The following CP variants were observed in gnomAD, a reference collection of about 807,000 sequenced individuals.
The protein encoded by CP is ceruloplasmin.
In CP, 64 loss-of-function variants were observed where a neutral mutation model predicts 122.4. The observed-to-expected ratio is 0.52, with a 90% CI of 0.43 to 0.64. CP has a LOEUF of 0.64. Among genes scored for constraint, CP ranks in the 30% least tolerant of loss-of-function variants. The pLI, the probability that CP is intolerant of heterozygous loss-of-function variation, is 0.00. For missense variants in CP, 1,167 were observed against 1,284.4 expected (o/e 0.91, Z 1.40); for synonymous variants, 440 against 436.4 (o/e 1.01, Z -0.10).
intron 6 of CP, among the ~76,000 whole-genome samples, chr3:149,202,605 CTTTTTTTT>C (rs34873592): frequency 9.4e-6 from 1 of 106,812 alleles, no homozygotes; most frequent in Non-Finnish European, 1.9e-5. Context: ...TGTTGTTTGT[CTTTTTTTT>C]TTTTTTTTTT....
rs1374351071 is a variant in CP at position 149,163,599 on chromosome 3, A to G, written c.*14-724T>C. On this transcript the variant is annotated intron_variant, in intron 5 of 5. Transcript: ENST00000479771. ...TAAATGCAGTATTGCTCTTTTTGCT[A>G]GAAAGTGCCTCTTTGGAGTATTTAC... Among the ~76,000 whole-genome samples, 4 of 152,350 alleles carry G rather than the reference A, an allele frequency of 2.6e-5. No homozygotes were observed. The East Asian group carries it at 5.8e-4, about 22-fold the overall frequency.
At chr3:149,189,670 A>G (rs1466230291) in intron 9 of CP, among the ~76,000 whole-genome samples, 2 of 152,180 alleles carry the variant, frequency 1.3e-5, no homozygotes, top group African/African-American at 4.8e-5. Context: ...AGAAAATATT[A>G]TGATACAAAA....
chr3:149,210,686 C>T (rs1455585050), intron 2 of CP, among the ~76,000 whole-genome samples: 1 of 152,126 alleles, frequency 6.6e-6, no homozygotes, highest in Non-Finnish European at 1.5e-5. Context: ...CTACCCTCTT[C>T]TAAATTCAAA....
At chr3:149,166,957 A>T in intron 4 of CP, 1 of 1,154,438 alleles carries the variant, frequency 8.7e-7, no homozygotes, top group Non-Finnish European at 1.3e-6. Context: ...GTTTAGTCTT[A>T]AGAAATTGAA....
rs1023056683 is a variant in CP at position 149,201,841 on chromosome 3, C to T, written c.1348+261G>A. On this transcript the variant is annotated intron_variant, in intron 7 of 18. Coordinates refer to ENST00000264613, the MANE Select transcript of CP (RefSeq NM_000096.4). ...AAACTCCTTACCCAAGTGATCTGCCCGCCTCAGCCTCCCAAAGTGCTGAGA... is the reference window on the plus strand; with the variant it reads ...AAACTCCTTACCCAAGTGATCTGCCTGCCTCAGCCTCCCAAAGTGCTGAGA... Among the ~76,000 whole-genome samples the T allele has an allele frequency of 4.6e-5, 7 of 152,102 alleles. No individual in the cohort carries two copies. The South Asian group carries it at 1.0e-3, about 23-fold the overall frequency.
In CP at chr3:149,178,410, C is replaced by A. The variant is rs1305796996; in HGVS notation, c.2878+5G>T. On this transcript the variant is annotated splice_donor_5th_base_variant and intron_variant, in intron 16 of 18. Transcript: ENST00000264613. Reference sequence around the variant, plus strand: ...GAAAAATTGTTTTAGAATAATGTGACATACCATGCATTTTATTGCTTTCTA... The same window carrying A: ...GAAAAATTGTTTTAGAATAATGTGAAATACCATGCATTTTATTGCTTTCTA... 6.4e-7 allele frequency: 1 copy of A among 1,554,742 alleles called. No homozygotes were observed. The highest frequency in any genetic ancestry group is 1.1e-5 in the South Asian group (1 of 89,836).
intron 1 of CP, among the ~76,000 whole-genome samples, chr3:149,215,673 G>A (rs1016648734): frequency 6.6e-6 from 1 of 152,190 alleles, no homozygotes; most frequent in Non-Finnish European, 1.5e-5. Context: ...AGCACAGCTT[G>A]AGGACAAAGG....
intron 9 of CP, among the ~76,000 whole-genome samples, chr3:149,191,496 C>A (rs1726547298): frequency 1.3e-5 from 2 of 151,492 alleles, no homozygotes; most frequent in Non-Finnish European, 2.9e-5. Flanking sequence ...TAGAATAAAG[C>A]ACAACCACTA....
Position 149,206,196 on chromosome 3 carries a change from T to C in CP, c.1180A>G (p.Thr394Ala), listed in dbSNP as rs1727701997. The C allele has an allele frequency of 6.2e-7, 1 of 1,613,870 alleles. No individual in the cohort carries two copies. Among genetic ancestry groups the C allele is most frequent in the Non-Finnish European group, 8.5e-7 (1 of 1,179,868 alleles). The change falls in exon 6 of 19, where the codon ACT becomes GCT. Residue 394 changes from threonine (T) to alanine (A), a missense_variant. Around this residue, in one of 2 missense-constraint regions of CP, gnomAD observed 642 missense variants for 627.3 expected, o/e 1.02. Coordinates refer to ENST00000264613, the MANE Select transcript of CP (RefSeq NM_000096.4). ...NYAPSGIDIF[T>A]KENLTAPGSD... ...CCAGGTGCTGTTAAGTTTTCTTTAG[T>C]GAAGATGTCTATACCAGAGGGAGCA...
rs767141341 is a variant in CP, at chr3:149,217,045, C to T, written c.147-4347G>A. Among the ~76,000 whole-genome samples the T allele has an allele frequency of 1.3e-4, 20 of 151,880 alleles. 1 individual carries two copies. The South Asian group carries it at 2.1e-3, about 16-fold the overall frequency. ...CCTCCTGAGTAGCTGGGACTACAGG[C>T]GCACGCCACCACACCTAGCTAATTT... On this transcript the variant is annotated intron_variant, in intron 1 of 18. Coordinates refer to ENST00000264613, the MANE Select transcript of CP (RefSeq NM_000096.4).
chr3:149,196,056 T>C (rs1301787757), intron 9 of CP, among the ~76,000 whole-genome samples: 1 of 152,174 alleles, frequency 6.6e-6, no homozygotes, highest in Non-Finnish European at 1.5e-5. Context: ...ATTTTAGATA[T>C]GTAATTTGTC....
intron 1 of CP, chr3:149,218,054 G>C: frequency 5.2e-6 from 1 of 192,900 alleles, no homozygotes; most frequent in Non-Finnish European, 1.2e-5. Flanking sequence ...CCAAGCCTGA[G>C]TGAGAGCCTA....
At chr3:149,210,505 G>T in intron 2 of CP, 126 bp from the exon 3 acceptor site, 1 of 860,888 alleles carries the variant, frequency 1.2e-6, no homozygotes, top group Admixed American at 2.0e-5. Context: ...TTGGGGATGT[G>T]TTATCCTATT....
chr3:149,216,122 T>C (rs1728441282), intron 1 of CP, among the ~76,000 whole-genome samples: 2 of 152,176 alleles, frequency 1.3e-5, no homozygotes, highest in Non-Finnish European at 2.9e-5. Context: ...AATTGAGACA[T>C]ATATTTTTTA....
At chr3:149,209,447 T>C in intron 3 of CP, 63 bp from the exon 4 acceptor site, 1 of 1,495,138 alleles carries the variant, frequency 6.7e-7, no homozygotes, top group Admixed American at 1.8e-5. Flanking sequence ...ATTTATGTTT[T>C]CAGGTGATTT....
At chr3:149,193,994 C>G (rs549082517) in intron 9 of CP, among the ~76,000 whole-genome samples, 6 of 152,130 alleles carry the variant, frequency 3.9e-5, no homozygotes, top group Non-Finnish European at 7.3e-5. Context: ...GAAGGTAAAT[C>G]TCATTTTAAA....
intron 13 of CP, among the ~76,000 whole-genome samples, chr3:149,182,976 C>T (rs1725883558): frequency 6.6e-6 from 1 of 151,902 alleles, no homozygotes; most frequent in Admixed American, 6.6e-5. Flanking sequence ...CATGGTGAAA[C>T]CTCATCTCTA....
At position 149,181,005 on chromosome 3, in the gene CP, C is replaced by CGATGAT. The variant is rs58614217; in HGVS notation, c.2554+994_2554+999dup. 1.6e-4 allele frequency among the ~76,000 whole-genome samples: 24 copies of CGATGAT among 151,474 alleles called. 1 individual carries two copies. Among genetic ancestry groups the CGATGAT allele is most frequent in the South Asian group, 1.3e-3 (6 of 4,772 alleles). Reference sequence around the variant, plus strand: ...GCCGCTTCCACCATATTCCAAATCTCGATGATGATGATGATGATGATGATT... The same window carrying CGATGAT: ...GCCGCTTCCACCATATTCCAAATCTCGATGATGATGATGATGATGATGATGATGATT... On this transcript the variant is annotated intron_variant, in intron 14 of 18. Coordinates refer to ENST00000264613, the MANE Select transcript of CP (RefSeq NM_000096.4).
At chr3:149,180,768 T>G (rs921155744) in intron 14 of CP, among the ~76,000 whole-genome samples, 3 of 152,188 alleles carry the variant, frequency 2.0e-5, no homozygotes, top group Admixed American at 1.3e-4. Context: ...CATCTCTGCT[T>G]TTACTTATTC....
Sources: allele counts gnomAD v4.1 joint callset (sites outside exome capture counted in the v4.1 genomes callset), GRCh38; gene constraint gnomAD v4.1.1; regional missense constraint gnomAD v4.1.1; transcripts MANE v1.5; gene names NCBI Gene and HGNC (gene_info 2026-07-23, HGNC 2026-07-21).